The following COL5A2 variants were observed in gnomAD, a reference collection of about 807,000 sequenced individuals.
COL5A2 encodes collagen type V alpha 2 chain, also known as collagen alpha-2(V) chain.
Under a neutral mutation model 208.2 loss-of-function variants are expected in COL5A2, and 23 were observed. The ratio of observed to expected loss-of-function variants is 0.11; its 90% CI spans 0.08 to 0.16. The LOEUF is 0.16. COL5A2 is among the 10% of genes least tolerant of loss of function. The pLI is 1.00. For synonymous variants in COL5A2, 625 were observed against 628.5 expected, an observed-to-expected ratio of 0.99 and a Z score of 0.08; for missense variants, 1,590 against 1,956.4, an observed-to-expected ratio of 0.81 and a Z score of 3.53.
intron 1 of COL5A2, among the ~76,000 whole-genome samples, chr2:189,191,163 C>CAAAAAAAAAAAAAAAAAAAAAA (rs1553526772): frequency 1.1e-4 from 8 of 72,266 alleles, no homozygotes; most frequent in Non-Finnish European, 2.2e-4. Flanking sequence ...AAAAAACAAA[C>CAAAAAAAAAAAAAAAAAAAAAA]AAACAACAAA....
chr2:189,064,364 C>T (rs1291499343), intron 25 of COL5A2, among the ~76,000 whole-genome samples, 193 bp downstream of exon 25: 4 of 151,852 alleles, frequency 2.6e-5, no homozygotes, highest in Non-Finnish European at 4.4e-5. Flanking sequence ...TAGAAGTTAC[C>T]GTGTTTTCTA....
Position 189,110,445 on chromosome 2 carries a change from T to A in COL5A2, c.102A>T (p.Gly34=). The change falls in exon 2 of 54, where the codon GGA becomes GGT. Residue 34 remains glycine (G), a synonymous_variant. Transcript: ENST00000374866. ...GAGTGCAGGCTATTTCTTCACCATATCCTTCTAAAATAAGAAAAGAAAGAA... is the reference window on the plus strand; with the variant it reads ...GAGTGCAGGCTATTTCTTCACCATAACCTTCTAAAATAAGAAAAGAAAGAA... ...IKAQEEDEDE[G]YGEEIACTQN... 1 of 1,612,374 alleles carries A rather than the reference T, an allele frequency of 6.2e-7. No homozygotes were observed. Among genetic ancestry groups the A allele is most frequent in the South Asian group, 1.1e-5 (1 of 91,028 alleles).
At chr2:189,325,599 G>T in the COL5A2 span, among the ~76,000 whole-genome samples, 1 of 152,042 alleles carries the variant, frequency 6.6e-6, no homozygotes. Context: ...GTAATCTGCA[G>T]TGATTTTTCT....
the COL5A2 span, among the ~76,000 whole-genome samples, chr2:189,382,718 T>C: frequency 6.6e-6 from 1 of 152,158 alleles, no homozygotes; most frequent in Admixed American, 6.5e-5. Context: ...GGATTATCAT[T>C]GGTTCTTATA....
Position 189,066,504 on chromosome 2 carries a change from A to G in COL5A2, c.1456-7T>C. ...CCTGAATACCATGTGGCCCCTGTTA[A>G]AAACAGAAGGACAGTTACCAGAAAG... On this transcript the variant is annotated splice_region_variant and splice_polypyrimidine_tract_variant and intron_variant, in intron 22 of 53. Transcript: ENST00000374866. 1 of 1,613,788 alleles carries G rather than the reference A, an allele frequency of 6.2e-7. No homozygotes were observed. Among genetic ancestry groups the G allele is most frequent in the Non-Finnish European group, 8.5e-7 (1 of 1,179,692 alleles).
the COL5A2 span, among the ~76,000 whole-genome samples, chr2:189,302,759 G>A: frequency 6.6e-6 from 1 of 152,086 alleles, no homozygotes; most frequent in African/African-American, 2.4e-5. Flanking sequence ...CCCTTTGTCT[G>A]ACATACCTAC....
intron 3 of COL5A2, 121 bp from the exon 4 acceptor site, chr2:189,100,260 A>G (rs1262041715): frequency 2.7e-6 from 2 of 737,988 alleles, no homozygotes; most frequent in East Asian, 5.3e-5. Flanking sequence ...AGAAATGCAA[A>G]AAACTACAAA....
At chr2:189,288,065 A>T in the COL5A2 span, among the ~76,000 whole-genome samples, 1 of 152,156 alleles carries the variant, frequency 6.6e-6, no homozygotes, top group African/African-American at 2.4e-5. Flanking sequence ...TAAAAAAAAG[A>T]TCAGAAAAGA....
At chr2:189,085,077 A>T in intron 11 of COL5A2, 83 bp downstream of exon 11, 1 of 1,124,856 alleles carries the variant, frequency 8.9e-7, no homozygotes, top group Non-Finnish European at 1.3e-6. Flanking sequence ...ATGTAATGGA[A>T]ATTAATACAG....
intron 1 of COL5A2, among the ~76,000 whole-genome samples, chr2:189,196,164 AAAG>A (rs1688998848): frequency 6.6e-6 from 1 of 152,246 alleles, no homozygotes; most frequent in African/African-American, 2.4e-5. Flanking sequence ...ACACTTCTCA[AAAG>A]AAGACATTTA....
the COL5A2 span, among the ~76,000 whole-genome samples, chr2:189,240,421 C>G: frequency 6.6e-6 from 1 of 152,180 alleles, no homozygotes. Context: ...GTGATCTAAT[C>G]TAACCCCAGT....
chr2:189,230,229 C>A (rs1296131864), upstream of COL5A2, among the ~76,000 whole-genome samples: 2 of 151,658 alleles, frequency 1.3e-5, no homozygotes, highest in Non-Finnish European at 1.5e-5. Context: ...AATTCCTAGA[C>A]AAAAACATAG....
intron 5 of COL5A2, among the ~76,000 whole-genome samples, chr2:189,098,485 T>C (rs560577497): frequency 6.6e-6 from 1 of 152,336 alleles, no homozygotes; most frequent in East Asian, 1.9e-4. Context: ...TGTTTTGTCT[T>C]TTACATAACC....
rs549864998 is a variant in COL5A2 at position 189,045,078 on chromosome 2, G to GGAATTTCA, written c.3363+93_3363+100dup. 240 of 725,430 alleles carry GGAATTTCA rather than the reference G, an allele frequency of 3.3e-4. No individual in the cohort carries two copies. The African/African-American group carries it at 4.1e-3, about 13-fold the overall frequency. 44.9% of individuals were successfully genotyped at this position (725,430 alleles called of 1,614,324 possible). On this transcript the variant is annotated intron_variant, in intron 47 of 53. Coordinates refer to ENST00000374866, the MANE Select transcript of COL5A2 (RefSeq NM_000393.5). Reference sequence around the variant, plus strand: ...AATTAATATTTTTGTTCAAGCTTGAGGAATTTCATATTTTTCAGTTATGAA... The same window carrying GGAATTTCA: ...AATTAATATTTTTGTTCAAGCTTGAGGAATTTCAGAATTTCATATTTTTCAGTTATGAA...
chr2:189,320,710 G>A, the COL5A2 span, among the ~76,000 whole-genome samples: 20 of 152,320 alleles, frequency 1.3e-4, no homozygotes, highest in East Asian at 3.9e-4. Flanking sequence ...TGAAAGTGAT[G>A]GGGAGAATGG....
the COL5A2 span, among the ~76,000 whole-genome samples, chr2:189,296,808 T>C: frequency 6.6e-6 from 1 of 152,210 alleles, no homozygotes; most frequent in African/African-American, 2.4e-5. Context: ...GCTGTTGTTT[T>C]CTTGTTGCAC....
chr2:189,229,076 C>T (rs1018388080), upstream of COL5A2, among the ~76,000 whole-genome samples: 4 of 151,712 alleles, frequency 2.6e-5, no homozygotes, highest in Middle Eastern at 3.2e-3. Context: ...GATAGAAAGA[C>T]ATGTACAAAA....
At chr2:189,278,732 G>A in the COL5A2 span, among the ~76,000 whole-genome samples, 2 of 151,730 alleles carry the variant, frequency 1.3e-5, no homozygotes, top group Non-Finnish European at 2.9e-5. Flanking sequence ...CTTAGATACT[G>A]ATACTTCTTT....
chr2:189,396,990 CA>C, the COL5A2 span, among the ~76,000 whole-genome samples: 49,961 of 95,608 alleles, frequency 0.52, 10,668 homozygotes, highest in East Asian at 0.65. Flanking sequence ...GACTCCGTCT[CA>C]AAAAAAAAAA....
Sources: allele counts gnomAD v4.1 joint callset (sites outside exome capture counted in the v4.1 genomes callset), GRCh38; gene constraint gnomAD v4.1.1; transcripts MANE v1.5; gene names NCBI Gene and HGNC (gene_info 2026-07-23, HGNC 2026-07-21).